MED12L: variants seen among roughly 807,000 people sequenced by gnomAD.
MED12L encodes mediator complex subunit 12L.
A neutral mutation model predicts 281.3 loss-of-function variants in MED12L; 60 were observed. That is an observed-to-expected ratio of 0.21 (90% CI 0.17 to 0.26). MED12L has a LOEUF of 0.26. Ranked by LOEUF, MED12L falls within the 10% of genes least tolerant of loss-of-function variation. MED12L has a pLI of 1.00. For synonymous variants in MED12L, 974 were observed against 987.2 expected, an observed-to-expected ratio of 0.99 and a Z score of 0.25; for missense variants, 2,146 against 2,680.9, an observed-to-expected ratio of 0.80 and a Z score of 4.41.
At chr3:151,395,881 C>T (rs1000542855) in intron 39 of MED12L, among the ~76,000 whole-genome samples, 90 of 152,160 alleles carry the variant, frequency 5.9e-4, no homozygotes, top group African/African-American at 2.1e-3. Flanking sequence ...GGCATATCTC[C>T]GTTGTGTAAT....
intron 16 of MED12L, among the ~76,000 whole-genome samples, chr3:151,207,644 A>G (rs1385075486): frequency 6.6e-6 from 1 of 152,230 alleles, no homozygotes; most frequent in Non-Finnish European, 1.5e-5. Context: ...TCAATTGGGC[A>G]GTATTAGGTG....
chr3:151,242,299 C>A (rs867776517), intron 16 of MED12L, among the ~76,000 whole-genome samples: 7 of 151,774 alleles, frequency 4.6e-5, no homozygotes, highest in South Asian at 2.1e-4. Flanking sequence ...GCCTGCCTCT[C>A]TAGGCTCCAC....
At chr3:151,367,132 AAATTT>A (rs1373339231) in intron 23 of MED12L, among the ~76,000 whole-genome samples, 1 of 151,986 alleles carries the variant, frequency 6.6e-6, no homozygotes, top group African/African-American at 2.4e-5. Context: ...TCTTCTTTTT[AAATTT>A]AAGAGTCAAT....
intron 32 of MED12L, among the ~76,000 whole-genome samples, chr3:151,380,849 C>T (rs369510305): frequency 2.6e-5 from 4 of 152,306 alleles, no homozygotes; most frequent in African/African-American, 9.6e-5. Context: ...ATCTATGCTG[C>T]AGTAGGCATG....
intron 16 of MED12L, among the ~76,000 whole-genome samples, chr3:151,324,067 C>G (rs1468062835): frequency 6.6e-6 from 1 of 152,174 alleles, no homozygotes. Flanking sequence ...GTCTTGAGAC[C>G]ACCTTCCTGG....
intron 19 of MED12L, among the ~76,000 whole-genome samples, chr3:151,356,294 A>T (rs577313394): frequency 7.4e-4 from 113 of 152,148 alleles, no homozygotes; most frequent in Non-Finnish European, 1.5e-3. Context: ...TGGGAGGCTG[A>T]GGCAGGAGAC....
intron 13 of MED12L, among the ~76,000 whole-genome samples, chr3:151,190,392 G>A (rs1345577939): frequency 2.6e-5 from 4 of 151,900 alleles, no homozygotes; most frequent in Non-Finnish European, 5.9e-5. Context: ...GGCTGGTCTC[G>A]AACTCCTGAC....
At chr3:151,325,082 G>C (rs896991287) in intron 16 of MED12L, among the ~76,000 whole-genome samples, 2 of 152,172 alleles carry the variant, frequency 1.3e-5, no homozygotes, top group African/African-American at 4.8e-5. Context: ...AAAGGCAAAA[G>C]CTTTTAAATG....
chr3:151,143,250 G>C (rs1717302409), intron 5 of MED12L, among the ~76,000 whole-genome samples: 1 of 152,162 alleles, frequency 6.6e-6, no homozygotes. Flanking sequence ...TGTCGTATTT[G>C]TGTTCTAATG....
intron 16 of MED12L, among the ~76,000 whole-genome samples, chr3:151,248,333 A>T (rs949436107): frequency 6.6e-6 from 1 of 152,200 alleles, no homozygotes; most frequent in Non-Finnish European, 1.5e-5. Context: ...CATGCATTTA[A>T]TATTTTAGAG....
intron 16 of MED12L, among the ~76,000 whole-genome samples, chr3:151,263,141 A>G (rs1739216602): frequency 6.6e-6 from 1 of 152,146 alleles, no homozygotes; most frequent in Non-Finnish European, 1.5e-5. Context: ...GGGTGCAGAG[A>G]TGGATCAACA....
intron 44 of MED12L, among the ~76,000 whole-genome samples, chr3:151,432,339 C>T (rs542543353): frequency 1.3e-5 from 2 of 152,326 alleles, no homozygotes; most frequent in South Asian, 2.1e-4. Flanking sequence ...TGGCTATTTG[C>T]AGAAAATTGC....
In MED12L at chr3:151,190,781, C is replaced by T; in HGVS notation, c.1818C>T (p.Phe606=). The T allele has an allele frequency of 6.2e-7, 1 of 1,614,194 alleles. No homozygotes were observed. Among genetic ancestry groups the T allele is most frequent in the African/African-American group, 1.3e-5 (1 of 75,052 alleles). ...ACCTGGTGCTGCTCTTCTGCGAGTT[C>T]ATCCGCCATGATGTCTTCTCCCATG... ...FVNLVLLFCE[F]IRHDVFSHDA... Residue 606 remains phenylalanine (F), a synonymous_variant, in exon 14 of 45, where the codon TTC becomes TTT. Coordinates refer to ENST00000687756, the MANE Select transcript of MED12L (RefSeq NM_001393769.1).
At chr3:151,243,815 GACTGGCAA>G (rs1328076263) in intron 16 of MED12L, among the ~76,000 whole-genome samples, 24 of 151,376 alleles carry the variant, frequency 1.6e-4, no homozygotes, top group African/African-American at 5.4e-4. Context: ...AAACGACACA[GACTGGCAA>G]ATTGGATAAA....
At chr3:151,367,912 A>G (rs1755485931) in intron 24 of MED12L, 146 bp downstream of exon 24, 1 of 1,017,192 alleles carries the variant, frequency 9.8e-7, no homozygotes, top group Non-Finnish European at 1.4e-6. Flanking sequence ...GTAGAATTTT[A>G]ATAGTTATTT....
At chr3:151,248,669 A>G (rs1264555585) in intron 16 of MED12L, among the ~76,000 whole-genome samples, 1 of 152,202 alleles carries the variant, frequency 6.6e-6, no homozygotes, top group Non-Finnish European at 1.5e-5. Flanking sequence ...CAAATTAAAA[A>G]AGGATACTTA....
At chr3:151,123,318 G>A (rs1378294564) in intron 4 of MED12L, among the ~76,000 whole-genome samples, 3 of 152,138 alleles carry the variant, frequency 2.0e-5, no homozygotes, top group Non-Finnish European at 4.4e-5. Flanking sequence ...TTGTTAAAAA[G>A]ATTCTTGCTT....
intron 16 of MED12L, among the ~76,000 whole-genome samples, chr3:151,286,744 C>G (rs974774672): frequency 3.9e-5 from 6 of 152,036 alleles, no homozygotes; most frequent in African/African-American, 1.5e-4. Context: ...CTACACAGTC[C>G]CAGTTGAAAC....
intron 20 of MED12L, among the ~76,000 whole-genome samples, chr3:151,358,017 T>A (rs1235384014): frequency 6.6e-6 from 1 of 152,156 alleles, no homozygotes; most frequent in African/African-American, 2.4e-5. Context: ...GCTTTTTATT[T>A]AAACACAGAA....
Sources: allele counts gnomAD v4.1 joint callset (sites outside exome capture counted in the v4.1 genomes callset), GRCh38; gene constraint gnomAD v4.1.1; transcripts MANE v1.5; gene names NCBI Gene and HGNC (gene_info 2026-07-23, HGNC 2026-07-21).